IGF1R: variants seen among roughly 807,000 people sequenced by gnomAD.
The protein encoded by IGF1R is insulin-like growth factor 1 receptor.
A neutral mutation model predicts 144.6 loss-of-function variants in IGF1R; 44 were observed. The observed-to-expected ratio is 0.30, with a 90% CI of 0.24 to 0.39. IGF1R has a LOEUF of 0.39. Among genes scored for constraint, IGF1R ranks in the 10% least tolerant of loss-of-function variants. The probability of loss-of-function intolerance (pLI) is 1.00; values close to 1 mark genes in which losing one functional copy is unlikely to be tolerated. For missense variants in IGF1R, 1,355 were observed against 1,833.7 expected, an observed-to-expected ratio of 0.74 and a Z score of 4.77; for synonymous variants, 795 against 722.8, an observed-to-expected ratio of 1.10 and a Z score of -1.60.
At chr15:98,746,967 A>G (rs569684933) in intron 2 of IGF1R, among the ~76,000 whole-genome samples, 1 of 152,198 alleles carries the variant, frequency 6.6e-6, no homozygotes, top group African/African-American at 2.4e-5. Context: ...AGTTGAACCT[A>G]TGCTCTCTTG....
intron 2 of IGF1R, among the ~76,000 whole-genome samples, chr15:98,765,148 C>A (rs2055403791): frequency 6.6e-6 from 1 of 151,998 alleles, no homozygotes; most frequent in Admixed American, 6.6e-5. Flanking sequence ...GTACTTCATC[C>A]CTTTTTATGG....
chr15:98,941,958 C>T (rs905888575), intron 18 of IGF1R, among the ~76,000 whole-genome samples: 2 of 152,138 alleles, frequency 1.3e-5, no homozygotes, highest in African/African-American at 4.8e-5. Flanking sequence ...TAAAGCGAGC[C>T]TGCCATCAAA....
chr15:98,749,820 C>T (rs563207711), intron 2 of IGF1R, among the ~76,000 whole-genome samples: 9 of 151,884 alleles, frequency 5.9e-5, no homozygotes, highest in Non-Finnish European at 1.0e-4. Flanking sequence ...GACTACTTAA[C>T]CATAACGTTC....
At chr15:98,868,417 G>T (rs569074413) in intron 2 of IGF1R, among the ~76,000 whole-genome samples, 1 of 148,602 alleles carries the variant, frequency 6.7e-6, no homozygotes, top group Non-Finnish European at 1.5e-5. Context: ...TTAAGGCATG[G>T]AAATGAGCCT....
intron 2 of IGF1R, among the ~76,000 whole-genome samples, chr15:98,713,857 G>A (rs1020017037): frequency 4.6e-5 from 7 of 152,186 alleles, no homozygotes; most frequent in Non-Finnish European, 7.3e-5. Flanking sequence ...AACAGCCTGT[G>A]GTCTGCTCAG....
At chr15:98,709,026 C>CAG (rs1336977994) in intron 2 of IGF1R, among the ~76,000 whole-genome samples, 15 of 152,206 alleles carry the variant, frequency 9.9e-5, no homozygotes, top group African/African-American at 3.6e-4. Flanking sequence ...TCTGAGCCTT[C>CAG]ACCTTATTGC....
chr15:98,707,468 A>G lies in IGF1R; in HGVS notation c.95-94A>G, dbSNP rs558124934. ...AACCTCATTTCTTTAATAATAATAC[A>G]GGATTCCTGAAAACCAACTGTATTA... On this transcript the variant is annotated intron_variant, in intron 1 of 20. Coordinates refer to ENST00000650285, the MANE Select transcript of IGF1R (RefSeq NM_000875.5). This position sits in a 1 kb window ranked among gnomAD's most constrained non-coding sequence, Gnocchi z 6.7. The G allele has an allele frequency of 9.7e-6, 12 of 1,233,974 alleles. No homozygotes were observed. Among genetic ancestry groups the G allele is most frequent in the Middle Eastern group, 2.4e-4 (1 of 4,254 alleles). 76.4% of individuals were successfully genotyped at this position (1,233,974 alleles called of 1,614,324 possible).
At chr15:98,672,502 A>G (rs1204526554) in intron 1 of IGF1R, among the ~76,000 whole-genome samples, 2 of 150,570 alleles carry the variant, frequency 1.3e-5, no homozygotes, top group Non-Finnish European at 3.0e-5. Flanking sequence ...CCTGGGAGGC[A>G]GAGGTTGCAG....
chr15:98,953,659 A>G (rs2016866439), intron 20 of IGF1R, among the ~76,000 whole-genome samples: 2 of 152,250 alleles, frequency 1.3e-5, no homozygotes. Context: ...TAACACTTCC[A>G]CAGCTCCACG....
intron 2 of IGF1R, among the ~76,000 whole-genome samples, chr15:98,722,604 C>T (rs1022102876): frequency 6.6e-6 from 1 of 152,174 alleles, no homozygotes; most frequent in African/African-American, 2.4e-5. Flanking sequence ...CTGTGTACAG[C>T]TTAGTTCCAT....
intron 15 of IGF1R, among the ~76,000 whole-genome samples, chr15:98,933,892 A>G (rs2016039279): frequency 6.6e-6 from 1 of 152,216 alleles, no homozygotes; most frequent in Non-Finnish European, 1.5e-5. Context: ...CAGCCATCAA[A>G]GCCAAGGCTG....
chr15:98,676,000 T>C (rs892239289), intron 1 of IGF1R, among the ~76,000 whole-genome samples: 1 of 151,628 alleles, frequency 6.6e-6, no homozygotes, highest in African/African-American at 2.4e-5. Flanking sequence ...TATTTTTTTA[T>C]TGTATTTTTA....
intron 2 of IGF1R, among the ~76,000 whole-genome samples, chr15:98,862,471 C>T (rs775202349): frequency 6.6e-6 from 1 of 152,194 alleles, no homozygotes; most frequent in Admixed American, 6.5e-5. Flanking sequence ...TTGGGATGCC[C>T]GGTTCTCTAC....
At chr15:98,873,450 A>C (rs2012893026) in intron 2 of IGF1R, among the ~76,000 whole-genome samples, 1 of 152,232 alleles carries the variant, frequency 6.6e-6, no homozygotes, top group Non-Finnish European at 1.5e-5. Context: ...TGAGTTGTAT[A>C]CTAATTTGTA....
rs757041533 is a variant in IGF1R, at chr15:98,908,718, C to T, written c.1281C>T (p.Asn427=). The T allele has an allele frequency of 6.2e-7, 1 of 1,614,178 alleles. No homozygotes were observed. The highest frequency in any genetic ancestry group is 1.7e-5 in the Admixed American group (1 of 60,016). ...CCTTCTACGTCCTCGACAACCAGAA[C>T]TTGCAGCAACTGTGGGACTGGGACC... ...NYSFYVLDNQ[N]LQQLWDWDHR... The change falls in exon 6 of 21, where the codon AAC becomes AAT. Residue 427 remains asparagine, a synonymous_variant. Transcript: ENST00000650285.
At chr15:98,715,133 T>A (rs1419208245) in intron 2 of IGF1R, among the ~76,000 whole-genome samples, 1 of 152,220 alleles carries the variant, frequency 6.6e-6, no homozygotes, top group Non-Finnish European at 1.5e-5. Context: ...CAGGCCTCAT[T>A]GCTATGCCTT....
chr15:98,723,429 A>G (rs2054288529), intron 2 of IGF1R, among the ~76,000 whole-genome samples: 1 of 152,238 alleles, frequency 6.6e-6, no homozygotes, highest in African/African-American at 2.4e-5. Flanking sequence ...GGCAAAGAAG[A>G]TCTGCCGAAA....
intron 2 of IGF1R, among the ~76,000 whole-genome samples, chr15:98,713,942 A>G (rs1317562571): frequency 6.6e-6 from 1 of 152,178 alleles, no homozygotes; most frequent in East Asian, 1.9e-4. Context: ...CTGTGTTGGA[A>G]GCTGGCTTAG....
chr15:98,699,708 A>T (rs1596202864), intron 1 of IGF1R, among the ~76,000 whole-genome samples: 1 of 152,172 alleles, frequency 6.6e-6, no homozygotes, highest in Admixed American at 6.5e-5. Context: ...CACCCATCTT[A>T]GTAAGTTCTT....
Sources: gnomAD v4.1 joint callset for allele counts (sites outside exome capture counted in the v4.1 genomes callset) on GRCh38, gnomAD v4.1.1 for gene constraint, Gnocchi (gnomAD v3.1) non-coding constraint, MANE v1.5 for transcripts, NCBI Gene and HGNC (gene_info 2026-07-23, HGNC 2026-07-21) for gene names.